Variants in PDE6B observed in about 807,000 individuals in gnomAD.
The protein encoded by PDE6B is phosphodiesterase 6B, also known as rod cGMP-specific 3',5'-cyclic phosphodiesterase subunit beta.
PDE6B carries 106 observed loss-of-function variants against 109.0 expected under a neutral mutation model. That is an observed-to-expected ratio of 0.97 (90% CI 0.83 to 1.14). The LOEUF is 1.14. Among genes scored for constraint, PDE6B ranks in the 50% most tolerant of loss-of-function variants. The probability of loss-of-function intolerance (pLI) is 0.00; values close to 1 mark genes in which losing one functional copy is unlikely to be tolerated. For synonymous variants in PDE6B, 490 were observed against 471.3 expected (o/e 1.04, Z -0.51); for missense variants, 1,193 against 1,155.6 (o/e 1.03, Z -0.47).
chr4:664,147 G>T lies in PDE6B; in HGVS notation c.2055G>T (p.Glu685Asp), dbSNP rs199531882. The change falls in exon 17 of 22, where the codon GAG (glutamate) becomes GAT (aspartate). Residue 685 changes from glutamate to aspartate, a missense_variant. Coordinates refer to ENST00000496514, the MANE Select transcript of PDE6B (RefSeq NM_000283.4). Reference sequence around the variant, plus strand: ...CGATGTTTCAGAAGATCGTGGATGAGTCCAAGAACTACCAGGACAAGAAGA... The same window carrying T: ...CGATGTTTCAGAAGATCGTGGATGATTCCAAGAACTACCAGGACAAGAAGA... ...KRAMFQKIVD[E>D]SKNYQDKKSW... 1 of 1,612,176 alleles carries T rather than the reference G, an allele frequency of 6.2e-7. No homozygotes were observed. The highest frequency in any genetic ancestry group is 8.5e-7 in the Non-Finnish European group (1 of 1,178,454).
rs1734493766 is a variant in PDE6B, at chr4:633,543, C to T, written c.469-1134C>T. Reference sequence around the variant, plus strand: ...GCGAGGAGTCTGCCCTCTGCTGCTGCAGGGCCACCGTCCCTAGAAACAGCA... The same window carrying T: ...GCGAGGAGTCTGCCCTCTGCTGCTGTAGGGCCACCGTCCCTAGAAACAGCA... On this transcript the variant is annotated intron_variant, in intron 1 of 21. Coordinates refer to ENST00000496514, the MANE Select transcript of PDE6B (RefSeq NM_000283.4). This position sits in a 1 kb window ranked among gnomAD's most constrained non-coding sequence, Gnocchi z 4.5. Among the ~76,000 whole-genome samples, 1 of 152,172 alleles carries T rather than the reference C, an allele frequency of 6.6e-6. No homozygotes were observed. Among genetic ancestry groups the T allele is most frequent in the Non-Finnish European group, 1.5e-5 (1 of 68,038 alleles).
In PDE6B at chr4:625,810, C is replaced by A; in HGVS notation, c.184C>A (p.Leu62Met). The A allele has an allele frequency of 6.2e-7, 1 of 1,613,248 alleles. No homozygotes were observed. Among genetic ancestry groups the A allele is most frequent in the South Asian group, 1.1e-5 (1 of 91,086 alleles). ...GGAGGAGAGCACGGCGCTGCTGGAGCTGGTGCAGGATATGCAGGAGAGCAT... is the reference window on the plus strand; with the variant it reads ...GGAGGAGAGCACGGCGCTGCTGGAGATGGTGCAGGATATGCAGGAGAGCAT... ...QVEESTALLE[L>M]VQDMQESINM... The change falls in exon 1 of 22, where the codon CTG becomes ATG. Residue 62 changes from leucine (L) to methionine (M), a missense_variant. Physicochemically the swap from Leu to Met is conservative, Grantham distance 15 (BLOSUM62 2). Transcript: ENST00000496514. The surrounding 1 kb of genome is among the most constrained non-coding windows in gnomAD (Gnocchi z 5.0).
chr4:636,712 C>G lies in PDE6B; in HGVS notation c.711+743C>G, dbSNP rs1734701162. On this transcript the variant is annotated intron_variant, in intron 3 of 21. Transcript: ENST00000496514. The surrounding 1 kb of genome is among the most constrained non-coding windows in gnomAD (Gnocchi z 4.5). ...TGTTCTGCCTGCGGATGCTGCCTGG[C>G]CCTGGTCACCTGCTGCGAGCCTGCT... Among the ~76,000 whole-genome samples, 1 of 152,232 alleles carries G rather than the reference C, an allele frequency of 6.6e-6. No individual in the cohort carries two copies.
intron 7 of PDE6B, 47 bp downstream of exon 7, chr4:656,053 G>T: frequency 1.6e-6 from 2 of 1,230,416 alleles, no homozygotes; most frequent in Non-Finnish European, 2.4e-6. Context: ...CCCTCACTGG[G>T]TGCGGCGATG....
At chr4:668,078 A>G (rs1263500040) in intron 21 of PDE6B, 72 bp downstream of exon 21, 1 of 1,429,734 alleles carries the variant, frequency 7.0e-7, no homozygotes, top group Middle Eastern at 2.3e-4. Flanking sequence ...GACAGGGCAC[A>G]GAGCAGAGTT....
Position 633,008 on chromosome 4 carries a change from A to C in PDE6B, c.469-1669A>C, listed in dbSNP as rs1577242858. 6.6e-6 allele frequency among the ~76,000 whole-genome samples: 1 copy of C among 152,160 alleles called. No individual in the cohort carries two copies. The highest frequency in any genetic ancestry group is 1.5e-5 in the Non-Finnish European group (1 of 68,012). The stretch of plus-strand genomic sequence containing the variant: ...GAGGGAAACAGTAACAGAGACTCTG[A>C]ATTCATCAGGGAGCACACATGGTGG... On this transcript the variant is annotated intron_variant, in intron 1 of 21. Coordinates refer to ENST00000496514, the MANE Select transcript of PDE6B (RefSeq NM_000283.4). The surrounding 1 kb of genome is among the most constrained non-coding windows in gnomAD (Gnocchi z 4.5).
Position 665,011 on chromosome 4 carries a change from G to A in PDE6B, c.2193+67G>A, listed in dbSNP as rs902913860. The A allele has an allele frequency of 9.2e-6, 12 of 1,298,298 alleles. No homozygotes were observed. The highest frequency in any genetic ancestry group is 8.4e-5 in the Admixed American group (5 of 59,252). The allele number at this position is 1,298,298 out of a possible 1,614,324, so 80.4% of individuals were successfully genotyped here. ...CAGCACATGGGACTGCCGGGCGGGC[G>A]GGAGCCTCGGATGGCAACGGACCAT... is the stretch of plus-strand genomic sequence containing the variant. On this transcript the variant is annotated intron_variant, in intron 18 of 21. Transcript: ENST00000496514. The surrounding 1 kb of genome is among the most constrained non-coding windows in gnomAD (Gnocchi z 4.0).
intron 6 of PDE6B, 26 bp from the exon 7 acceptor site, chr4:655,914 A>C (rs779391168): frequency 6.6e-7 from 1 of 1,524,664 alleles, no homozygotes; most frequent in African/African-American, 1.4e-5. Context: ...GGCGTGGCCT[A>C]TCTGACCCCT....
chr4:626,115 A>C lies in PDE6B; in HGVS notation c.468+21A>C. The C allele has an allele frequency of 7.0e-7, 1 of 1,423,978 alleles. No homozygotes were observed. The highest frequency in any genetic ancestry group is 9.7e-7 in the Non-Finnish European group (1 of 1,030,106). The allele number at this position is 1,423,978 out of a possible 1,614,324, so 88.2% of individuals were successfully genotyped here. Reference sequence around the variant, plus strand: ...CCGAGGTGGGTCTGTGCGGAGCCTCAGGGAGGCGGCTGTGTGCATCTCTTG... The same window carrying C: ...CCGAGGTGGGTCTGTGCGGAGCCTCCGGGAGGCGGCTGTGTGCATCTCTTG... On this transcript the variant is annotated intron_variant, in intron 1 of 21. Coordinates refer to ENST00000496514, the MANE Select transcript of PDE6B (RefSeq NM_000283.4). This position sits in a 1 kb window ranked among gnomAD's most constrained non-coding sequence, Gnocchi z 4.6.
chr4:646,596 G>T (rs1266970146), intron 3 of PDE6B, among the ~76,000 whole-genome samples: 1 of 151,952 alleles, frequency 6.6e-6, no homozygotes, highest in Non-Finnish European at 1.5e-5. Flanking sequence ...CCGCCCACTC[G>T]CACCTTCTGT....
In PDE6B at chr4:666,371, G is replaced by A. The variant is rs1029360383; in HGVS notation, c.2269-160G>A. Among the ~76,000 whole-genome samples, 1 of 152,142 alleles carries A rather than the reference G, an allele frequency of 6.6e-6. No individual in the cohort carries two copies. The highest frequency in any genetic ancestry group is 3.2e-3 in the Middle Eastern group (1 of 316). ...TGTGGAGCCGCTGGCCAAGGGAGAG[G>A]GTGTCAGCTTCCCCTCCCGAGAGCC... is the stretch of plus-strand genomic sequence containing the variant. On this transcript the variant is annotated intron_variant, in intron 19 of 21. Coordinates refer to ENST00000496514, the MANE Select transcript of PDE6B (RefSeq NM_000283.4). The surrounding 1 kb of genome is among the most constrained non-coding windows in gnomAD (Gnocchi z 5.6).
chr4:663,622 G>C lies in PDE6B; in HGVS notation c.1921-148G>C. The stretch of plus-strand genomic sequence containing the variant: ...CTGGGCACCCTGAGGAGGGCCCTGA[G>C]CAGCAGGCGGATTAGGGGTCCCGCC... On this transcript the variant is annotated intron_variant, in intron 15 of 21. Transcript: ENST00000496514. This position sits in a 1 kb window ranked among gnomAD's most constrained non-coding sequence, Gnocchi z 4.0. The C allele has an allele frequency of 1.4e-6, 1 of 694,504 alleles. No individual in the cohort carries two copies. 43.0% of individuals were successfully genotyped at this position (694,504 alleles called of 1,614,324 possible).
chr4:656,056 C>T (rs781501741), intron 7 of PDE6B, 50 bp downstream of exon 7: 20 of 1,221,678 alleles, frequency 1.6e-5, no homozygotes, highest in African/African-American at 8.9e-5. Context: ...TCACTGGGTG[C>T]GGCGATGTGT....
intron 3 of PDE6B, among the ~76,000 whole-genome samples, chr4:649,221 T>G (rs1735369937): frequency 6.6e-6 from 1 of 152,204 alleles, no homozygotes; most frequent in Non-Finnish European, 1.5e-5. Context: ...TTCTAGTTTA[T>G]AGGTTACATG....
chr4:631,666 A>G (rs34585712), intron 1 of PDE6B, among the ~76,000 whole-genome samples: 4,427 of 148,614 alleles, frequency 0.03, 66 homozygotes, highest in Middle Eastern at 0.044. Context: ...CGTTGCGTGG[A>G]TCCATGTGGC....
chr4:653,747 A>AG, intron 3 of PDE6B, 105 bp from the exon 4 acceptor site: 1 of 1,265,940 alleles, frequency 7.9e-7, no homozygotes, highest in Non-Finnish European at 1.1e-6. Flanking sequence ...TGGTCAGATC[A>AG]GGGAGCGCAC....
chr4:663,733 C>T lies in PDE6B; in HGVS notation c.1921-37C>T. On this transcript the variant is annotated intron_variant, in intron 15 of 21. Transcript: ENST00000496514. The surrounding 1 kb of genome is among the most constrained non-coding windows in gnomAD (Gnocchi z 4.0). Reference sequence around the variant, plus strand: ...GTCCCCGGGCACCCTGAGAGGTGGCCGCAGGGCGCCTGACGCGCTGGGCAT... The same window carrying T: ...GTCCCCGGGCACCCTGAGAGGTGGCTGCAGGGCGCCTGACGCGCTGGGCAT... 1.3e-6 allele frequency: 2 copies of T among 1,532,110 alleles called. No individual in the cohort carries two copies. The highest frequency in any genetic ancestry group is 9.0e-7 in the Non-Finnish European group (1 of 1,108,070). The allele number at this position is 1,532,110 out of a possible 1,614,324, so 94.9% of individuals were successfully genotyped here. A position where few individuals can be genotyped will look rare whatever the true frequency, so the allele number is the denominator to read the frequency against.
Position 665,113 on chromosome 4 carries a change from A to G in PDE6B, c.2194-142A>G. The G allele has an allele frequency of 3.7e-6, 3 of 812,432 alleles. No homozygotes were observed. Among genetic ancestry groups the G allele is most frequent in the South Asian group, 2.8e-5 (2 of 70,924 alleles). The allele number at this position is 812,432 out of a possible 1,614,324, so 50.3% of individuals were successfully genotyped here. On this transcript the variant is annotated intron_variant, in intron 18 of 21. Coordinates refer to ENST00000496514, the MANE Select transcript of PDE6B (RefSeq NM_000283.4). This position sits in a 1 kb window ranked among gnomAD's most constrained non-coding sequence, Gnocchi z 4.0. Reference sequence around the variant, plus strand: ...GATGGGGGTACTGCAGTGTGTCTACATGGCTCAACCGGAGCCCTGTGTGGT... The same window carrying G: ...GATGGGGGTACTGCAGTGTGTCTACGTGGCTCAACCGGAGCCCTGTGTGGT...
At chr4:660,989 A>ATGGG (rs1553812816) in intron 12 of PDE6B, among the ~76,000 whole-genome samples, 1 of 103,560 alleles carries the variant, frequency 9.7e-6, no homozygotes, top group African/African-American at 4.3e-5. Context: ...GGATAAATGG[A>ATGGG]TGGGTGGGTG....
Sources: allele counts gnomAD v4.1 joint callset (sites outside exome capture counted in the v4.1 genomes callset), GRCh38; gene constraint gnomAD v4.1.1; non-coding constraint Gnocchi (gnomAD v3.1); transcripts MANE v1.5; gene names NCBI Gene and HGNC (gene_info 2026-07-23, HGNC 2026-07-21).